The following DPY19L3 variants were observed in gnomAD, a reference collection of about 807,000 sequenced individuals.
DPY19L3 encodes protein C-mannosyl-transferase DPY19L3.
DPY19L3 carries 51 observed loss-of-function variants against 92.3 expected under a neutral mutation model. The ratio of observed to expected loss-of-function variants is 0.55; its 90% CI spans 0.44 to 0.70. The LOEUF is 0.70. Among genes scored for constraint, DPY19L3 ranks in the 30% least tolerant of loss-of-function variants. DPY19L3 has a pLI of 0.00. For synonymous variants in DPY19L3, 309 were observed against 315.2 expected (o/e 0.98, Z 0.21); for missense variants, 706 against 855.9 (o/e 0.82, Z 2.18).
intron 16 of DPY19L3, among the ~76,000 whole-genome samples, chr19:32,472,552 TTC>T: frequency 6.6e-6 from 1 of 151,672 alleles, no homozygotes; most frequent in African/African-American, 2.4e-5. Context: ...TTTTTTTGCC[TTC>T]TGGTGTCTCT....
Position 32,436,514 on chromosome 19 carries a change from A to G in DPY19L3, c.397A>G (p.Asn133Asp). 6.3e-7 allele frequency: 1 copy of G among 1,580,536 alleles called. No homozygotes were observed. The highest frequency in any genetic ancestry group is 8.6e-7 in the Non-Finnish European group (1 of 1,156,244). ...GACAATTAACCTCCTTCAGCGAATGAATATTTACCAAGAGGTTTTTCTCAG... is the reference window on the plus strand; with the variant it reads ...GACAATTAACCTCCTTCAGCGAATGGATATTTACCAAGAGGTTTTTCTCAG... ...MKTINLLQRM[N>D]IYQEVFLSIL... The change falls in exon 5 of 19, where the codon AAT (asparagine) becomes GAT (aspartate). Residue 133 changes from asparagine (N) to aspartate (D), a missense_variant. Transcript: ENST00000392250.
At chr19:32,429,346 G>A (rs955469302) in intron 3 of DPY19L3, among the ~76,000 whole-genome samples, 1 of 152,214 alleles carries the variant, frequency 6.6e-6, no homozygotes, top group Non-Finnish European at 1.5e-5. Context: ...TCTACCAAGC[G>A]AAGTATAAAT....
chr19:32,417,308 T>G (rs555549599), intron 3 of DPY19L3, among the ~76,000 whole-genome samples: 2 of 152,298 alleles, frequency 1.3e-5, no homozygotes, highest in African/African-American at 2.4e-5. Flanking sequence ...TCACGAGATC[T>G]GATGGCTTTA....
intron 8 of DPY19L3, among the ~76,000 whole-genome samples, chr19:32,447,499 C>G (rs1341995066): frequency 6.6e-6 from 1 of 151,992 alleles, no homozygotes; most frequent in Non-Finnish European, 1.5e-5. Context: ...GGTGGATCAC[C>G]TGAGGTCAGG....
chr19:32,464,719 C>T lies in DPY19L3; in HGVS notation c.1558-9C>T. ...TACTTATAATCTAAATAATGTCTTT[C>T]TTATATAGATATGTATAATGCGATA... On this transcript the variant is annotated splice_polypyrimidine_tract_variant and intron_variant, in intron 14 of 18. Transcript: ENST00000392250. The T allele has an allele frequency of 7.1e-7, 1 of 1,412,448 alleles. No individual in the cohort carries two copies. Among genetic ancestry groups the T allele is most frequent in the Non-Finnish European group, 9.7e-7 (1 of 1,028,710 alleles). The allele number at this position is 1,412,448 out of a possible 1,614,324, so 87.5% of individuals were successfully genotyped here.
chr19:32,430,563 A>G (rs914587547), intron 3 of DPY19L3, among the ~76,000 whole-genome samples: 20 of 152,162 alleles, frequency 1.3e-4, no homozygotes, highest in Non-Finnish European at 2.8e-4. Context: ...GCAGAAATAT[A>G]TTAAATAAAT....
chr19:32,481,821 A>G (rs1309263005), intron 18 of DPY19L3: 3 of 431,318 alleles, frequency 7.0e-6, no homozygotes, highest in Non-Finnish European at 8.3e-6. Flanking sequence ...GAGAGCAAGC[A>G]GACCTGAGTT....
intron 4 of DPY19L3, 104 bp downstream of exon 4, chr19:32,432,910 GT>G (rs1969017766): frequency 9.0e-6 from 8 of 892,392 alleles, no homozygotes; most frequent in Non-Finnish European, 1.4e-5. Flanking sequence ...TCTAGAACAT[GT>G]GTATTTTTCC....
At position 32,439,815 on chromosome 19, in the gene DPY19L3, T is replaced by G. The variant is rs200758846; in HGVS notation, c.760T>G (p.Phe254Val). The change falls in exon 8 of 19, where the codon TTT (phenylalanine) becomes GTT (valine). Residue 254 changes from phenylalanine (F) to valine (V), a missense_variant. Coordinates refer to ENST00000392250, the MANE Select transcript of DPY19L3 (RefSeq NM_001172774.2). ...TGCCATTTTCATATCAACTTTTCTC[T>G]TTAGTCTGACATGGCAATTTAATCA... ...LLAIFISTFL[F>V]SLTWQFNQFM... The G allele has an allele frequency of 4.3e-6, 7 of 1,613,878 alleles. No individual in the cohort carries two copies. The East Asian group carries it at 1.3e-4, about 31-fold the overall frequency.
At chr19:32,465,590 T>C (rs893898631) in intron 15 of DPY19L3, among the ~76,000 whole-genome samples, 2 of 152,068 alleles carry the variant, frequency 1.3e-5, no homozygotes, top group Admixed American at 6.6e-5. Flanking sequence ...GGAGGGTGGC[T>C]AAAAGCAGGG....
chr19:32,473,940 C>T (rs1813704083), intron 16 of DPY19L3, among the ~76,000 whole-genome samples: 1 of 152,052 alleles, frequency 6.6e-6, no homozygotes, highest in African/African-American at 2.4e-5. Context: ...GGTAGTGGGA[C>T]TACAGGCAGG....
intron 8 of DPY19L3, among the ~76,000 whole-genome samples, chr19:32,445,175 C>T (rs1969449594): frequency 6.6e-6 from 1 of 151,462 alleles, no homozygotes; most frequent in Admixed American, 6.6e-5. Flanking sequence ...GGTGCAGTGG[C>T]TCACGCCTGT....
chr19:32,481,854 T>C (rs1970682388), intron 18 of DPY19L3: 1 of 505,202 alleles, frequency 2.0e-6, no homozygotes, highest in East Asian at 3.3e-5. Flanking sequence ...TTCCCGTTAA[T>C]GGGATCATCG....
intron 16 of DPY19L3, among the ~76,000 whole-genome samples, chr19:32,476,625 T>C (rs1291924166): frequency 6.6e-6 from 1 of 151,912 alleles, no homozygotes; most frequent in Non-Finnish European, 1.5e-5. Flanking sequence ...TCCTATATTC[T>C]GGGAGTCTTT....
chr19:32,416,463 G>A (rs563082956), intron 3 of DPY19L3, among the ~76,000 whole-genome samples: 17 of 152,134 alleles, frequency 1.1e-4, no homozygotes, highest in Admixed American at 2.6e-4. Context: ...CCAGTGGCAC[G>A]TTTGGGGCCC....
At chr19:32,476,333 A>G (rs1419437617) in intron 16 of DPY19L3, among the ~76,000 whole-genome samples, 1 of 152,094 alleles carries the variant, frequency 6.6e-6, no homozygotes, top group Non-Finnish European at 1.5e-5. Flanking sequence ...TAAACTCCTC[A>G]TAACCATCTT....
At chr19:32,426,388 C>T (rs926293481) in intron 3 of DPY19L3, among the ~76,000 whole-genome samples, 15 of 152,170 alleles carry the variant, frequency 9.9e-5, no homozygotes, top group South Asian at 6.2e-4. Context: ...AATTTCCTTC[C>T]GTAACTTTTC....
At chr19:32,480,976 G>A (rs1298178045) in intron 18 of DPY19L3, 1 of 408,256 alleles carries the variant, frequency 2.4e-6, no homozygotes, top group Non-Finnish European at 4.3e-6. Context: ...CTAGGTGGTG[G>A]ATTCCCCCTA....
At chr19:32,412,506 G>A (rs1297514854) in intron 3 of DPY19L3, 2 of 151,504 alleles carry the variant, frequency 1.3e-5, no homozygotes, top group Non-Finnish European at 2.9e-5. Context: ...TAAATCATGG[G>A]GTCTAAATGT....
Sources: gnomAD v4.1 joint callset for allele counts (sites outside exome capture counted in the v4.1 genomes callset) on GRCh38, gnomAD v4.1.1 for gene constraint, MANE v1.5 for transcripts, NCBI Gene and HGNC (gene_info 2026-07-23, HGNC 2026-07-21) for gene names.